Variants in RRM1 observed in about 807,000 individuals in gnomAD.
RRM1 encodes the protein ribonucleoside-diphosphate reductase large subunit.
In RRM1, 19 loss-of-function variants were observed where a neutral mutation model predicts 101.5. That is an observed-to-expected ratio of 0.19 (90% CI 0.13 to 0.27). The LOEUF (loss-of-function observed/expected upper bound fraction) is 0.27, where lower values mean the gene tolerates loss of function less well. RRM1 is among the 10% of genes least tolerant of loss of function. The pLI, the probability that RRM1 is intolerant of heterozygous loss-of-function variation, is 1.00. For missense variants in RRM1, 500 were observed against 962.9 expected (o/e 0.52, Z 6.36); for synonymous variants, 298 against 323.4 (o/e 0.92, Z 0.84).
rs769849313 is a variant in RRM1, at chr11:4,121,693, G to A, written c.966G>A (p.Glu322=). The A allele has an allele frequency of 9.2e-5, 149 of 1,613,732 alleles. No homozygotes were observed. The highest frequency in any genetic ancestry group is 1.2e-4 in the Non-Finnish European group (140 of 1,179,876). The change falls in exon 10 of 19, where the codon GAG becomes GAA. Residue 322 remains glutamate, a synonymous_variant. Transcript: ENST00000300738. ...TAAAGAAGAACACAGGAAAGGAAGA[G>A]CAGCGTGCCAGAGATCTTTTCTTTG... is the stretch of plus-strand genomic sequence containing the variant. The part of the protein sequence containing the change: ...LDLKKNTGKE[E]QRARDLFFAL...
chr11:4,124,911 A>G (rs1049983558), intron 12 of RRM1, among the ~76,000 whole-genome samples: 2 of 110,664 alleles, frequency 1.8e-5, no homozygotes, highest in African/African-American at 5.5e-5. Context: ...TGTAGTATTT[A>G]TTTATTTTAT....
intron 15 of RRM1, among the ~76,000 whole-genome samples, chr11:4,129,913 A>G (rs1590731598): frequency 6.6e-6 from 1 of 151,542 alleles, no homozygotes; most frequent in East Asian, 1.9e-4. Context: ...ATAGATTTGG[A>G]AAGAGAAAAT....
chr11:4,105,420 G>C (rs1227977897), intron 2 of RRM1, among the ~76,000 whole-genome samples: 1 of 151,886 alleles, frequency 6.6e-6, no homozygotes, highest in Non-Finnish European at 1.5e-5. Context: ...TAGTAGGGAT[G>C]GGGTCTCATT....
intron 1 of RRM1, among the ~76,000 whole-genome samples, chr11:4,095,687 T>C (rs1046418825): frequency 6.6e-6 from 1 of 152,200 alleles, no homozygotes; most frequent in Non-Finnish European, 1.5e-5. Flanking sequence ...AGACATCTTC[T>C]GACAAGATGG....
At chr11:4,125,515 C>T (rs979041343) in intron 12 of RRM1, among the ~76,000 whole-genome samples, 2 of 152,172 alleles carry the variant, frequency 1.3e-5, no homozygotes, top group Non-Finnish European at 2.9e-5. Context: ...ACCTCATCTG[C>T]GGTTACTTTC....
At chr11:4,111,874 T>A (rs1189596109) in intron 6 of RRM1, 26 bp from the exon 7 acceptor site, 7 of 1,597,552 alleles carry the variant, frequency 4.4e-6, no homozygotes, top group African/African-American at 1.3e-5. Context: ...CGTCTCATCA[T>A]GTGAAAACTC....
At chr11:4,115,016 T>A (rs2094570830) in intron 7 of RRM1, among the ~76,000 whole-genome samples, 2 of 152,176 alleles carry the variant, frequency 1.3e-5, no homozygotes, top group African/African-American at 4.8e-5. Flanking sequence ...CCCGGTTTTT[T>A]AAGTTTTTTA....
At chr11:4,129,606 T>G (rs1017686895) in intron 15 of RRM1, among the ~76,000 whole-genome samples, 9 of 49,654 alleles carry the variant, frequency 1.8e-4, no homozygotes, top group African/African-American at 4.6e-4. Context: ...GTGTTTAGAC[T>G]ATATGAAAAA....
chr11:4,132,371 C>A lies in RRM1; in HGVS notation c.1855C>A (p.Pro619Thr). ...CCTGGGGAATAATGAGTCCATTGAA[C>A]CTTACACCAGCAACATCTATACTCG... ...QILGNNESIEPYTSNIYTRRV... is the reference protein window; with the variant it reads ...QILGNNESIETYTSNIYTRRV... The change falls in exon 16 of 19, where the codon CCT (proline) becomes ACT (threonine). Residue 619 changes from proline to threonine, a missense_variant. By Grantham distance (38) the Pro-to-Thr change is conservative. Around this residue, in one of 9 missense-constraint regions of RRM1, gnomAD observed 79 missense variants for 176.4 expected, o/e 0.45. Transcript: ENST00000300738. The surrounding 1 kb of genome is among the most constrained non-coding windows in gnomAD (Gnocchi z 4.1). 6.2e-7 allele frequency: 1 copy of A among 1,614,114 alleles called. No individual in the cohort carries two copies. The highest frequency in any genetic ancestry group is 8.5e-7 in the Non-Finnish European group (1 of 1,180,004).
chr11:4,131,872 C>T (rs1309899794), intron 15 of RRM1, among the ~76,000 whole-genome samples: 2 of 152,116 alleles, frequency 1.3e-5, no homozygotes, highest in Non-Finnish European at 2.9e-5. Context: ...TTTATAGGCA[C>T]TTGGAAAAGA....
chr11:4,131,425 G>C (rs969084870), intron 15 of RRM1, among the ~76,000 whole-genome samples: 1 of 152,200 alleles, frequency 6.6e-6, no homozygotes, highest in East Asian at 1.9e-4. Flanking sequence ...TGTATGCTAA[G>C]CACTGTATGA....
chr11:4,118,175 GT>G, intron 7 of RRM1, 144 bp from the exon 8 acceptor site: 1 of 791,026 alleles, frequency 1.3e-6, no homozygotes, highest in Non-Finnish European at 2.0e-6. Flanking sequence ...AGTAAAGTGG[GT>G]TTTCTTCTTT....
chr11:4,123,398 A>T lies in RRM1; in HGVS notation c.1320+14A>T, dbSNP rs759617364. On this transcript the variant is annotated intron_variant, in intron 12 of 18. Coordinates refer to ENST00000300738, the MANE Select transcript of RRM1 (RefSeq NM_001033.5). ...AGCAAAGATGAGGTAGGTAGAAAAA[A>T]TTCTTCCTAGAGTACTAAGAAGAGA... is the stretch of plus-strand genomic sequence containing the variant. 1 of 1,606,312 alleles carries T rather than the reference A, an allele frequency of 6.2e-7. No individual in the cohort carries two copies. The highest frequency in any genetic ancestry group is 1.1e-5 in the South Asian group (1 of 90,910).
intron 2 of RRM1, among the ~76,000 whole-genome samples, chr11:4,103,586 A>C (rs1466487118): frequency 2.0e-5 from 3 of 152,084 alleles, no homozygotes; most frequent in African/African-American, 7.2e-5. Context: ...CACATCTGTA[A>C]TCCCAGCACT....
chr11:4,108,912 A>G (rs1223176818), intron 4 of RRM1, among the ~76,000 whole-genome samples: 1 of 152,208 alleles, frequency 6.6e-6, no homozygotes, highest in Non-Finnish European at 1.5e-5. Flanking sequence ...GTCCTTAGAT[A>G]TGGATCATTA....
At chr11:4,105,249 C>T (rs560209087) in intron 2 of RRM1, among the ~76,000 whole-genome samples, 129 of 152,220 alleles carry the variant, frequency 8.5e-4, no homozygotes, top group African/African-American at 3.0e-3. Context: ...TTGTTTGAGA[C>T]AGGGTCTCAT....
At chr11:4,107,341 A>C (rs1393392494) in intron 3 of RRM1, 94 bp from the exon 4 acceptor site, 1 of 824,344 alleles carries the variant, frequency 1.2e-6, no homozygotes, top group Non-Finnish European at 2.0e-6. Context: ...GATGACAAAA[A>C]GGGTTGAGAA....
chr11:4,101,590 G>A (rs1034778305), intron 1 of RRM1, among the ~76,000 whole-genome samples: 1 of 88,758 alleles, frequency 1.1e-5, no homozygotes, highest in East Asian at 3.7e-4. Context: ...CTCCCAAAGT[G>A]CTGGGATTAC....
intron 7 of RRM1, among the ~76,000 whole-genome samples, chr11:4,115,343 AAG>A (rs1482591672): frequency 6.6e-6 from 1 of 152,090 alleles, no homozygotes; most frequent in Non-Finnish European, 1.5e-5. Context: ...GTATCCTTGT[AAG>A]AGAGAGGCTG....
Sources: gnomAD v4.1 joint callset for allele counts (sites outside exome capture counted in the v4.1 genomes callset) on GRCh38, gnomAD v4.1.1 for gene constraint, gnomAD v4.1.1 regional missense constraint, Gnocchi (gnomAD v3.1) non-coding constraint, MANE v1.5 for transcripts, NCBI Gene and HGNC (gene_info 2026-07-23, HGNC 2026-07-21) for gene names.